The following ATRNL1 variants were observed in gnomAD, a reference collection of about 807,000 sequenced individuals.
The protein encoded by ATRNL1 is attractin-like protein 1.
In ATRNL1, 95 loss-of-function variants were observed where a neutral mutation model predicts 182.7. The observed-to-expected ratio is 0.52, with a 90% CI of 0.44 to 0.62. The LOEUF (loss-of-function observed/expected upper bound fraction) is 0.62. ATRNL1 is among the 20% of genes least tolerant of loss of function. The pLI is 0.00. For synonymous variants in ATRNL1, 576 were observed against 568.3 expected (o/e 1.01, Z -0.19); for missense variants, 1,471 against 1,679.5 (o/e 0.88, Z 2.17).
intron 25 of ATRNL1, among the ~76,000 whole-genome samples, chr10:115,526,071 T>C (rs1006963673): frequency 2.0e-5 from 3 of 152,164 alleles, no homozygotes; most frequent in East Asian, 3.9e-4. Context: ...GAGAGCTCTT[T>C]AGTGTCTTCC....
At chr10:115,867,057 T>C (rs1555104899) in intron 28 of ATRNL1, among the ~76,000 whole-genome samples, 2 of 152,310 alleles carry the variant, frequency 1.3e-5, no homozygotes, top group South Asian at 2.1e-4. Flanking sequence ...ATAATAAGTC[T>C]GAATTCTGAC....
At chr10:115,426,105 C>G in intron 20 of ATRNL1, 145 bp from the exon 21 acceptor site, 1 of 548,784 alleles carries the variant, frequency 1.8e-6, no homozygotes, top group Non-Finnish European at 3.1e-6. Context: ...ACACATCTTT[C>G]AAAGATGTGT....
At chr10:115,592,515 C>G (rs2804205) in intron 26 of ATRNL1, among the ~76,000 whole-genome samples, 72,391 of 151,992 alleles carry the variant, frequency 0.48, 18,700 homozygotes, top group East Asian at 0.84. Flanking sequence ...ATTAGCAGAC[C>G]CACGCAGCTC....
At chr10:115,436,039 G>A (rs1027758138) in intron 21 of ATRNL1, among the ~76,000 whole-genome samples, 1 of 152,074 alleles carries the variant, frequency 6.6e-6, no homozygotes, top group Non-Finnish European at 1.5e-5. Context: ...GAGCAAAAAT[G>A]TCCAGAGATC....
intron 10 of ATRNL1, among the ~76,000 whole-genome samples, chr10:115,251,939 C>A (rs1850895895): frequency 6.6e-6 from 1 of 152,158 alleles, no homozygotes; most frequent in Non-Finnish European, 1.5e-5. Context: ...TTCTGGCCAC[C>A]TTGATCAAGC....
intron 26 of ATRNL1, among the ~76,000 whole-genome samples, chr10:115,686,465 C>T (rs1162242058): frequency 6.6e-6 from 1 of 151,992 alleles, no homozygotes; most frequent in African/African-American, 2.4e-5. Flanking sequence ...GTAAGACCTG[C>T]TATTAACCTT....
At chr10:115,798,498 C>G (rs1949713031) in intron 27 of ATRNL1, among the ~76,000 whole-genome samples, 1 of 152,178 alleles carries the variant, frequency 6.6e-6, no homozygotes, top group African/African-American at 2.4e-5. Flanking sequence ...ATGCACCATA[C>G]CAAAATGCAG....
At chr10:115,709,096 G>A (rs1320245492) in intron 26 of ATRNL1, among the ~76,000 whole-genome samples, 1 of 151,762 alleles carries the variant, frequency 6.6e-6, no homozygotes, top group African/African-American at 2.4e-5. Context: ...AAGAAGAGCT[G>A]GTTAAAAGGT....
chr10:115,870,375 A>G (rs1457264270), intron 28 of ATRNL1, among the ~76,000 whole-genome samples: 1 of 152,246 alleles, frequency 6.6e-6, no homozygotes, highest in Non-Finnish European at 1.5e-5. Context: ...AGCAGAAATC[A>G]TCTGAAATTA....
At chr10:115,222,081 A>G (rs891621652) in intron 9 of ATRNL1, among the ~76,000 whole-genome samples, 4 of 152,170 alleles carry the variant, frequency 2.6e-5, no homozygotes, top group African/African-American at 9.6e-5. Context: ...AGGAATTAAA[A>G]TTTAAGGTAG....
chr10:115,641,212 T>A (rs12253279), intron 26 of ATRNL1, among the ~76,000 whole-genome samples: 1,777 of 152,316 alleles, frequency 0.012, 36 homozygotes, highest in African/African-American at 0.04. Context: ...TGCAGATAGT[T>A]GTAACATTAT....
Position 115,100,010 on chromosome 10 carries a change from G to A in ATRNL1, c.293+5967G>A, listed in dbSNP as rs114776383. ...GTTGTGCCTAAGAAAAGTTTGCCTA[G>A]GCTGGGTACTGTGGCTCATGTGTGT... is the stretch of plus-strand genomic sequence containing the variant. On this transcript the variant is annotated intron_variant, in intron 1 of 28. Coordinates refer to ENST00000355044, the MANE Select transcript of ATRNL1 (RefSeq NM_207303.4). Among the ~76,000 whole-genome samples the A allele has an allele frequency of 6.9e-3, 1,053 of 152,106 alleles. 10 individuals are homozygous for A. The highest frequency in any genetic ancestry group is 0.024 in the African/African-American group (1,013 of 41,486).
At chr10:115,229,355 G>A (rs974097693) in intron 9 of ATRNL1, among the ~76,000 whole-genome samples, 6 of 151,890 alleles carry the variant, frequency 4.0e-5, no homozygotes, top group Non-Finnish European at 8.8e-5. Flanking sequence ...AAGCGATAGA[G>A]GTTAATTTTA....
chr10:115,629,380 A>C (rs1183057277), intron 26 of ATRNL1, among the ~76,000 whole-genome samples: 1 of 152,040 alleles, frequency 6.6e-6, no homozygotes, highest in East Asian at 1.9e-4. Context: ...ACCAATGTCT[A>C]TTCTACTCCA....
chr10:115,463,574 T>C (rs1554970269), intron 22 of ATRNL1, among the ~76,000 whole-genome samples: 1 of 152,092 alleles, frequency 6.6e-6, no homozygotes, highest in East Asian at 1.9e-4. Flanking sequence ...GCATTAAGTA[T>C]ATTTACAGTG....
chr10:115,119,345 T>A (rs1844626329), intron 1 of ATRNL1, among the ~76,000 whole-genome samples: 1 of 151,842 alleles, frequency 6.6e-6, no homozygotes, highest in Admixed American at 6.6e-5. Context: ...TATGTATATG[T>A]GTGTGTGTGT....
At chr10:115,573,665 A>G (rs1470964960) in intron 26 of ATRNL1, among the ~76,000 whole-genome samples, 2 of 152,054 alleles carry the variant, frequency 1.3e-5, no homozygotes, top group African/African-American at 4.8e-5. Context: ...GAATGTTACA[A>G]CTCAGTGAGC....
chr10:115,349,671 G>A (rs1856139240), intron 19 of ATRNL1, among the ~76,000 whole-genome samples: 1 of 152,110 alleles, frequency 6.6e-6, no homozygotes, highest in South Asian at 2.1e-4. Flanking sequence ...TTTTAACTGT[G>A]GTGAGGTGGG....
chr10:115,348,731 A>G (rs1554940452), intron 19 of ATRNL1, among the ~76,000 whole-genome samples: 1 of 152,190 alleles, frequency 6.6e-6, no homozygotes, highest in Non-Finnish European at 1.5e-5. Flanking sequence ...AGTGTTATGA[A>G]GAAATTGAGT....
Sources: gnomAD v4.1 joint callset for allele counts (sites outside exome capture counted in the v4.1 genomes callset) on GRCh38, gnomAD v4.1.1 for gene constraint, MANE v1.5 for transcripts, NCBI Gene and HGNC (gene_info 2026-07-23, HGNC 2026-07-21) for gene names.